FER: variants seen among roughly 807,000 people sequenced by gnomAD.
The protein encoded by FER is FER tyrosine kinase, also known as tyrosine-protein kinase Fer.
Under a neutral mutation model 111.0 loss-of-function variants are expected in FER, and 63 were observed. The ratio of observed to expected loss-of-function variants is 0.57; its 90% confidence interval spans 0.46 to 0.70. FER has a LOEUF of 0.70. Ranked by LOEUF, FER falls within the 30% of genes least tolerant of loss-of-function variation. FER has a pLI of 0.00. For synonymous variants in FER, 327 were observed against 313.9 expected (o/e 1.04, Z -0.44); for missense variants, 914 against 954.0 (o/e 0.96, Z 0.55).
intron 17 of FER, among the ~76,000 whole-genome samples, chr5:109,111,789 A>G (rs540483539): frequency 4.1e-4 from 63 of 152,266 alleles, no homozygotes; most frequent in African/African-American, 1.5e-3. Context: ...TGAGAACAGC[A>G]TGGGGAAAAC....
intron 13 of FER, among the ~76,000 whole-genome samples, chr5:108,987,704 G>T (rs920818190): frequency 6.6e-6 from 1 of 152,070 alleles, no homozygotes; most frequent in Admixed American, 6.5e-5. Flanking sequence ...GGAGTCTTTA[G>T]GGTTTTCTAG....
intron 14 of FER, among the ~76,000 whole-genome samples, chr5:109,039,973 G>A (rs765816286): frequency 1.3e-5 from 2 of 152,108 alleles, no homozygotes; most frequent in Non-Finnish European, 2.9e-5. Flanking sequence ...TAAGATGATA[G>A]CAGTGGTGGT....
At chr5:108,845,719 G>A (rs1210286996) in intron 5 of FER, among the ~76,000 whole-genome samples, 3 of 152,082 alleles carry the variant, frequency 2.0e-5, no homozygotes. Flanking sequence ...TAGGTGTAAA[G>A]CATTTATTTA....
chr5:109,112,244 G>A (rs1749713575), intron 17 of FER, among the ~76,000 whole-genome samples: 1 of 152,034 alleles, frequency 6.6e-6, no homozygotes, highest in African/African-American at 2.4e-5. Context: ...TCCAGTTGTA[G>A]ATGAAGAGGG....
At chr5:108,964,552 G>C (rs1759556339) in intron 13 of FER, among the ~76,000 whole-genome samples, 2 of 152,144 alleles carry the variant, frequency 1.3e-5, no homozygotes, top group Admixed American at 1.3e-4. Context: ...ACAGAGGTTA[G>C]TATGGCTGAA....
chr5:109,187,576 T>G lies in FER; in HGVS notation c.*1T>G. 2 of 1,614,064 alleles carry G rather than the reference T, an allele frequency of 1.2e-6. No individual in the cohort carries two copies. Among genetic ancestry groups the G allele is most frequent in the Non-Finnish European group, 1.7e-6 (2 of 1,179,980 alleles). ...TATCATCAAGAGAAAACTCACATAG[T>G]GACAGGATGGCGCCAAACTCAGCCT... On this transcript the variant is annotated 3_prime_UTR_variant, in exon 20 of 20. Coordinates refer to ENST00000281092, the MANE Select transcript of FER (RefSeq NM_005246.4).
At chr5:108,774,633 T>G (rs1360089804) in intron 2 of FER, among the ~76,000 whole-genome samples, 2 of 152,232 alleles carry the variant, frequency 1.3e-5, no homozygotes, top group African/African-American at 4.8e-5. Flanking sequence ...GTGCTTTTGA[T>G]TTGCATTTCT....
intron 11 of FER, among the ~76,000 whole-genome samples, chr5:108,947,692 A>G (rs1328361981): frequency 6.6e-6 from 1 of 151,318 alleles, no homozygotes; most frequent in Non-Finnish European, 1.5e-5. Flanking sequence ...TTTGATGAAG[A>G]GCAATTTATT....
chr5:108,914,337 A>G (rs1399381280), intron 10 of FER, among the ~76,000 whole-genome samples: 1 of 151,776 alleles, frequency 6.6e-6, no homozygotes. Flanking sequence ...AGCTTTTTAA[A>G]CCATATATGC....
chr5:109,105,925 G>A (rs1312756302), intron 17 of FER, among the ~76,000 whole-genome samples: 1 of 152,166 alleles, frequency 6.6e-6, no homozygotes, highest in Non-Finnish European at 1.5e-5. Context: ...CTAAATGAAT[G>A]AACCTTCAAA....
chr5:108,922,847 C>G (rs910439063), intron 10 of FER, among the ~76,000 whole-genome samples: 13 of 152,090 alleles, frequency 8.5e-5, no homozygotes, highest in African/African-American at 3.1e-4. Flanking sequence ...TCTTTGGAGA[C>G]TCTTTTTTGG....
Position 108,765,430 on chromosome 5 carries a change from C to CT in FER, c.-205-2654dup, listed in dbSNP as rs999012107. 1.4e-3 allele frequency among the ~76,000 whole-genome samples: 212 copies of CT among 151,282 alleles called. 1 individual carries two copies. Among genetic ancestry groups the CT allele is most frequent in the African/African-American group, 4.4e-3 (183 of 41,292 alleles). On this transcript the variant is annotated intron_variant, in intron 1 of 19. Coordinates refer to ENST00000281092, the MANE Select transcript of FER (RefSeq NM_005246.4). ...ACTAGCTTACTTTCTTTTCTCTTTTCTTTTTTTTTGACAGGGTATTGCTCT... is the reference window on the plus strand; with the variant it reads ...ACTAGCTTACTTTCTTTTCTCTTTTCTTTTTTTTTTGACAGGGTATTGCTCT...
At chr5:108,998,179 G>T (rs1383971750) in intron 13 of FER, among the ~76,000 whole-genome samples, 2 of 132,370 alleles carry the variant, frequency 1.5e-5, no homozygotes, top group Admixed American at 7.5e-5. Flanking sequence ...CACCACCGGG[G>T]TATGAAAAAA....
In FER at chr5:109,192,267, A is replaced by C. The variant is rs1759435722; in HGVS notation, c.*4692A>C. 1.3e-5 allele frequency: 2 copies of C among 152,202 alleles called. No homozygotes were observed. Among genetic ancestry groups the C allele is most frequent in the East Asian group, 1.9e-4 (1 of 5,200 alleles). The allele number at this position is 152,202 out of a possible 1,614,324, so 9.4% of individuals were successfully genotyped here. A position where few individuals can be genotyped will look rare whatever the true frequency, so the allele number is the denominator to read the frequency against. ...TTCCAAGGCAGGATGATGCACCCCC[A>C]CACAGAGTGTGGAAAAATTAAAGTG... On this transcript the variant is annotated 3_prime_UTR_variant, in exon 20 of 20. Coordinates refer to ENST00000281092, the MANE Select transcript of FER (RefSeq NM_005246.4).
chr5:109,065,467 G>A (rs1402215481), intron 16 of FER, among the ~76,000 whole-genome samples: 1 of 152,194 alleles, frequency 6.6e-6, no homozygotes, highest in African/African-American at 2.4e-5. Flanking sequence ...CTTTTTAATT[G>A]TAAGTTAGCC....
At chr5:108,942,244 A>G (rs66485253) in intron 10 of FER, among the ~76,000 whole-genome samples, 29,599 of 152,066 alleles carry the variant, frequency 0.19, 3,339 homozygotes, top group African/African-American at 0.31. Context: ...GAGATACAGA[A>G]TAAAGAAAGC....
chr5:108,808,369 C>A (rs962173570), intron 3 of FER, among the ~76,000 whole-genome samples: 2 of 151,684 alleles, frequency 1.3e-5, no homozygotes, highest in African/African-American at 4.8e-5. Context: ...ACTTCTTGTC[C>A]ATTTTTTTTT....
chr5:108,880,065 G>A (rs1242240452), intron 8 of FER, among the ~76,000 whole-genome samples: 1 of 151,914 alleles, frequency 6.6e-6, no homozygotes, highest in African/African-American at 2.4e-5. Context: ...TTTGATGTCT[G>A]TCTAGTAGAA....
At chr5:108,990,909 TCTA>T (rs1763083939) in intron 13 of FER, among the ~76,000 whole-genome samples, 1 of 151,830 alleles carries the variant, frequency 6.6e-6, no homozygotes, top group Admixed American at 6.6e-5. Flanking sequence ...TACCTAGTAC[TCTA>T]CTTTTAATAT....
Sources: gnomAD v4.1 joint callset for allele counts (sites outside exome capture counted in the v4.1 genomes callset) on GRCh38, gnomAD v4.1.1 for gene constraint, MANE v1.5 for transcripts, NCBI Gene and HGNC (gene_info 2026-07-23, HGNC 2026-07-21) for gene names.